Variants in CEPT1 observed in about 807,000 individuals in gnomAD.
CEPT1 encodes the protein choline/ethanolaminephosphotransferase 1.
In CEPT1, 7 loss-of-function variants were observed where a neutral mutation model predicts 42.6. The ratio of observed to expected loss-of-function variants is 0.16; its 90% confidence interval spans 0.09 to 0.31. The LOEUF (loss-of-function observed/expected upper bound fraction) is 0.31, where lower values mean the gene tolerates loss of function less well. Ranked by LOEUF, CEPT1 falls within the 10% of genes least tolerant of loss-of-function variation. CEPT1 has a pLI of 1.00. For synonymous variants in CEPT1, 171 were observed against 171.9 expected (o/e 0.99, Z 0.04); for missense variants, 306 against 502.1 (o/e 0.61, Z 3.73).
intron 1 of CEPT1, among the ~76,000 whole-genome samples, chr1:111,142,650 C>G (rs1175087468): frequency 6.6e-6 from 1 of 152,102 alleles, no homozygotes; most frequent in Admixed American, 6.5e-5. Flanking sequence ...GAGATCCTGT[C>G]TCACTAAATT....
chr1:111,175,053 G>A (rs1005919775), intron 5 of CEPT1, 90 bp downstream of exon 5: 44 of 823,476 alleles, frequency 5.3e-5, no homozygotes, highest in Non-Finnish European at 7.4e-5. Context: ...AAAGGGTAAT[G>A]TGTGAAATTC....
chr1:111,176,311 A>G (rs1476589313), intron 5 of CEPT1, among the ~76,000 whole-genome samples: 5 of 152,076 alleles, frequency 3.3e-5, no homozygotes, highest in African/African-American at 1.2e-4. Flanking sequence ...CTTTTTTTTA[A>G]TAACAGTTTT....
At chr1:111,160,813 T>C (rs1655827313) in intron 3 of CEPT1, 1 of 275,070 alleles carries the variant, frequency 3.6e-6, no homozygotes, top group Admixed American at 5.0e-5. Context: ...TATAGCCCCT[T>C]TGTTTTTCTT....
chr1:111,159,241 T>C (rs1199737576), intron 2 of CEPT1, 139 bp from the exon 3 acceptor site: 7 of 762,304 alleles, frequency 9.2e-6, no homozygotes, highest in Non-Finnish European at 1.5e-5. Context: ...ATTGTTTCAG[T>C]GAGTTCTTCA....
chr1:111,178,787 A>G (rs1464591922), intron 5 of CEPT1: 2 of 152,190 alleles, frequency 1.3e-5, no homozygotes, highest in Non-Finnish European at 2.9e-5. Context: ...GGTGAGTGTT[A>G]CTACTGCAGG....
chr1:111,158,188 T>A (rs796652316), intron 2 of CEPT1, among the ~76,000 whole-genome samples: 2 of 150,372 alleles, frequency 1.3e-5, no homozygotes, highest in Non-Finnish European at 3.0e-5. Context: ...CTAAAAAAAA[T>A]AAAATAAAAT....
chr1:111,160,851 G>T (rs1571134037), intron 3 of CEPT1: 1 of 333,450 alleles, frequency 3.0e-6, no homozygotes, highest in Admixed American at 4.7e-5. Context: ...GTAATGATTT[G>T]CTGATCATTA....
intron 2 of CEPT1, among the ~76,000 whole-genome samples, chr1:111,151,114 G>GT (rs1176721936): frequency 6.6e-4 from 96 of 144,682 alleles, no homozygotes; most frequent in South Asian, 9.0e-4. Context: ...AGCACTGCTT[G>GT]TTTTTTTTTG....
At chr1:111,169,729 G>A (rs890993290) in intron 4 of CEPT1, among the ~76,000 whole-genome samples, 1 of 152,068 alleles carries the variant, frequency 6.6e-6, no homozygotes, top group Admixed American at 6.5e-5. Context: ...ACTTCAGAAA[G>A]AATTGTCCTT....
intron 6 of CEPT1, 74 bp downstream of exon 6, chr1:111,182,392 C>T: frequency 7.0e-7 from 1 of 1,420,724 alleles, no homozygotes; most frequent in Non-Finnish European, 9.7e-7. Context: ...TTTTTTATTT[C>T]AAATGTATAA....
At chr1:111,147,609 A>AT in intron 1 of CEPT1, 33 bp from the exon 2 acceptor site, 2 of 747,012 alleles carry the variant, frequency 2.7e-6, no homozygotes, top group Admixed American at 3.3e-5. Context: ...CAACAAGTGT[A>AT]TTTTTTAATT....
chr1:111,177,820 G>A (rs1476241505), intron 5 of CEPT1, among the ~76,000 whole-genome samples: 1 of 149,288 alleles, frequency 6.7e-6, no homozygotes, highest in African/African-American at 2.5e-5. Flanking sequence ...GATTCATGAG[G>A]TGAGGTTGCA....
At chr1:111,159,613 G>A in intron 3 of CEPT1, 86 bp downstream of exon 3, 1 of 985,184 alleles carries the variant, frequency 1.0e-6, no homozygotes, top group Non-Finnish European at 1.4e-6. Context: ...GTTTAGTCAT[G>A]AGAATAAGTA....
At chr1:111,145,520 A>G (rs1654910825) in intron 1 of CEPT1, among the ~76,000 whole-genome samples, 1 of 152,228 alleles carries the variant, frequency 6.6e-6, no homozygotes, top group Non-Finnish European at 1.5e-5. Flanking sequence ...TTATAGGGAT[A>G]TAGGAAAAAA....
chr1:111,145,534 C>G (rs990411220), intron 1 of CEPT1, among the ~76,000 whole-genome samples: 4 of 152,172 alleles, frequency 2.6e-5, no homozygotes, highest in African/African-American at 9.7e-5. Flanking sequence ...GAAAAAAGTC[C>G]TGTTCCATTG....
Position 111,184,335 on chromosome 1 carries a change from T to C in CEPT1, c.*25T>C. 1 of 1,581,002 alleles carries C rather than the reference T, an allele frequency of 6.3e-7. No homozygotes were observed. The highest frequency in any genetic ancestry group is 8.6e-7 in the Non-Finnish European group (1 of 1,158,778). Reference sequence around the variant, plus strand: ...ATGATGTAATTGGTATATAGGAACATCATGTTTTCTGCAGGAAAGAAAGTA... The same window carrying C: ...ATGATGTAATTGGTATATAGGAACACCATGTTTTCTGCAGGAAAGAAAGTA... On this transcript the variant is annotated 3_prime_UTR_variant, in exon 9 of 9. Transcript: ENST00000357172.
At chr1:111,159,989 G>A (rs1193798811) in intron 3 of CEPT1, 1 of 152,498 alleles carries the variant, frequency 6.6e-6, no homozygotes, top group East Asian at 1.9e-4. Flanking sequence ...TTGTGTACTG[G>A]AAATTTGCTA....
chr1:111,180,505 G>T (rs768415417), intron 5 of CEPT1: 10 of 152,150 alleles, frequency 6.6e-5, no homozygotes, highest in Non-Finnish European at 1.3e-4. Context: ...GGAGATTTAG[G>T]GGGAGAAGAT....
intron 4 of CEPT1, among the ~76,000 whole-genome samples, chr1:111,173,706 C>T (rs747368515): frequency 1.3e-5 from 2 of 152,168 alleles, no homozygotes; most frequent in Non-Finnish European, 2.9e-5. Context: ...AGCCACCACT[C>T]TTAGTTTGTA....
Sources: gnomAD v4.1 joint callset for allele counts (sites outside exome capture counted in the v4.1 genomes callset) on GRCh38, gnomAD v4.1.1 for gene constraint, MANE v1.5 for transcripts, NCBI Gene and HGNC (gene_info 2026-07-23, HGNC 2026-07-21) for gene names.